FAM76B: variants seen among roughly 807,000 people sequenced by gnomAD.
The protein encoded by FAM76B is protein FAM76B.
FAM76B carries 16 observed loss-of-function variants against 51.8 expected under a neutral mutation model. The observed-to-expected ratio is 0.31, with a 90% CI of 0.21 to 0.47. FAM76B has a LOEUF of 0.47. FAM76B is among the 20% of genes least tolerant of loss of function. The pLI, the probability that FAM76B is intolerant of heterozygous loss-of-function variation, is 1.00. For synonymous variants in FAM76B, 166 were observed against 129.5 expected, an observed-to-expected ratio of 1.28 and a Z score of -1.91; for missense variants, 342 against 392.6, an observed-to-expected ratio of 0.87 and a Z score of 1.09.
intron 8 of FAM76B, among the ~76,000 whole-genome samples, chr11:95,777,221 T>C (rs1347641683): frequency 6.6e-6 from 1 of 151,452 alleles, no homozygotes; most frequent in East Asian, 1.9e-4. Flanking sequence ...AACTTCATCA[T>C]CTTAGATTTA....
chr11:95,774,052 G>A (rs140506851), intron 9 of FAM76B, among the ~76,000 whole-genome samples: 8 of 151,368 alleles, frequency 5.3e-5, no homozygotes, highest in Admixed American at 3.3e-4. Flanking sequence ...GTAAAAAGAT[G>A]GCACTCAGCT....
chr11:95,773,085 T>C (rs1378761732), intron 9 of FAM76B, among the ~76,000 whole-genome samples: 2 of 150,808 alleles, frequency 1.3e-5, no homozygotes, highest in African/African-American at 2.4e-5. Context: ...AAAATGTTTA[T>C]ACTGATACAA....
chr11:95,784,763 A>G (rs1276695200), intron 4 of FAM76B, among the ~76,000 whole-genome samples: 2 of 151,720 alleles, frequency 1.3e-5, no homozygotes, highest in African/African-American at 4.8e-5. Flanking sequence ...AATTTTTTGT[A>G]TTTTTAGTAG....
At position 95,773,548 on chromosome 11, in the gene FAM76B, A is replaced by AT. The variant is rs1270409228; in HGVS notation, c.931-1899dup. ...TAGACATGTTGGTGCAAAGGAAAGA[A>AT]TATCAGGATTAAGAATTACATAGAT... On this transcript the variant is annotated intron_variant, in intron 9 of 9. Transcript: ENST00000358780. Among the ~76,000 whole-genome samples the AT allele has an allele frequency of 4.0e-5, 6 of 151,332 alleles. No homozygotes were observed. In the East Asian group the frequency reaches 9.7e-4, roughly 24 times the overall value.
rs1471587288 is a variant in FAM76B, at chr11:95,789,532, G to A, written c.-54C>T. 9.2e-6 allele frequency: 14 copies of A among 1,524,432 alleles called. No homozygotes were observed. Among genetic ancestry groups the A allele is most frequent in the East Asian group, 7.5e-5 (3 of 40,016 alleles). 94.4% of individuals were successfully genotyped at this position (1,524,432 alleles called of 1,614,324 possible). On this transcript the variant is annotated 5_prime_UTR_variant, in exon 1 of 10. Coordinates refer to ENST00000358780, the MANE Select transcript of FAM76B (RefSeq NM_144664.5). ...CGCCCGCTCCGAGGCGGGGCCCTAC[G>A]GAGAACCCGAGAGCCGCCGCCGCCC...
chr11:95,773,373 A>G (rs1859854429), intron 9 of FAM76B, among the ~76,000 whole-genome samples: 1 of 150,176 alleles, frequency 6.7e-6, no homozygotes, highest in Non-Finnish European at 1.5e-5. Flanking sequence ...TAATTTGAAT[A>G]CTTTAAAAAT....
Position 95,771,482 on chromosome 11 carries a change from A to G in FAM76B, c.*79T>C. The G allele has an allele frequency of 9.0e-7, 1 of 1,108,820 alleles. No homozygotes were observed. Among genetic ancestry groups the G allele is most frequent in the Non-Finnish European group, 1.3e-6 (1 of 750,172 alleles). The allele number at this position is 1,108,820 out of a possible 1,614,324, so 68.7% of individuals were successfully genotyped here. ...TGGTGTGCAAAAATATTTTTCTACT[A>G]CACAGAATTTAAGGGCTTCACAGAA... On this transcript the variant is annotated 3_prime_UTR_variant, in exon 10 of 10. Transcript: ENST00000358780.
At chr11:95,788,301 C>A (rs941614967) in intron 2 of FAM76B, among the ~76,000 whole-genome samples, 198 bp downstream of exon 2, 1 of 152,148 alleles carries the variant, frequency 6.6e-6, no homozygotes, top group South Asian at 2.1e-4. Flanking sequence ...CATATAAAGT[C>A]TAACTGTAAA....
Position 95,787,679 on chromosome 11 carries a change from C to A in FAM76B, c.153-1G>T. 6.2e-7 allele frequency: 1 copy of A among 1,603,176 alleles called. No homozygotes were observed. The highest frequency in any genetic ancestry group is 8.5e-7 in the Non-Finnish European group (1 of 1,172,928). On this transcript the variant is annotated splice_acceptor_variant, in intron 2 of 9. Coordinates refer to ENST00000358780, the MANE Select transcript of FAM76B (RefSeq NM_144664.5). LOFTEE classifies it high-confidence loss of function. Reference sequence around the variant, plus strand: ...CTTCTTACAAATTGTGTTAGTTTTGCTGAAAAATAAATTGTATATAGATCA... The same window carrying A: ...CTTCTTACAAATTGTGTTAGTTTTGATGAAAAATAAATTGTATATAGATCA...
chr11:95,778,922 G>A lies in FAM76B; in HGVS notation c.728C>T (p.Thr243Ile). 6.2e-7 allele frequency: 1 copy of A among 1,610,562 alleles called. No homozygotes were observed. Among genetic ancestry groups the A allele is most frequent in the Non-Finnish European group, 8.5e-7 (1 of 1,177,906 alleles). ...TTGACTTATAAGGACAAAATTGTCT[G>A]TTCCCCCACTATCTGCTGACTGATT... is the stretch of plus-strand genomic sequence containing the variant. ...SINQSADSGG[T>I]DNFVLISQLK... Residue 243 changes from threonine (T) to isoleucine (I), a missense_variant, in exon 8 of 10, where the codon ACA becomes ATA. By Grantham distance (89) the Thr-to-Ile change is moderately conservative. Coordinates refer to ENST00000358780, the MANE Select transcript of FAM76B (RefSeq NM_144664.5).
In FAM76B at chr11:95,771,800, C is replaced by T. The variant is rs559815418; in HGVS notation, c.931-150G>A. 18 of 593,832 alleles carry T rather than the reference C, an allele frequency of 3.0e-5. No homozygotes were observed. In the African/African-American group the frequency reaches 3.4e-4, roughly 11 times the overall value. The allele number at this position is 593,832 out of a possible 1,614,324, so 36.8% of individuals were successfully genotyped here. A position where few individuals can be genotyped will look rare whatever the true frequency, so the allele number is the denominator to read the frequency against. On this transcript the variant is annotated intron_variant, in intron 9 of 9. Coordinates refer to ENST00000358780, the MANE Select transcript of FAM76B (RefSeq NM_144664.5). ...ATGAAAGAGTTGATACCTTTACATT[C>T]ATCTCTTTAAGGATGAACATGCAGA...
At position 95,776,014 on chromosome 11, in the gene FAM76B, G is replaced by C. The variant is rs775467154; in HGVS notation, c.838C>G (p.Leu280Val). The C allele has an allele frequency of 6.3e-7, 1 of 1,580,572 alleles. No individual in the cohort carries two copies. The highest frequency in any genetic ancestry group is 1.2e-5 in the South Asian group (1 of 86,528). The change falls in exon 9 of 10, where the codon CTA (leucine) becomes GTA (valine). Residue 280 changes from leucine (L) to valine (V), a missense_variant. Around this residue, in one of 3 missense-constraint regions of FAM76B, gnomAD observed 230 missense variants for 257.4 expected, o/e 0.89. Transcript: ENST00000358780. ...TCTTGGTACTGAAAGTCTGCCTTTA[G>C]TTCAGTTAACTGAGAGATTAAAGAA... Reference protein sequence around the residue: ...ILEKDKKLTELKADFQYQESN... With the variant: ...ILEKDKKLTEVKADFQYQESN...
intron 8 of FAM76B, among the ~76,000 whole-genome samples, chr11:95,778,493 CT>C (rs1219852917): frequency 6.6e-6 from 1 of 151,420 alleles, no homozygotes; most frequent in East Asian, 1.9e-4. Flanking sequence ...AAACTACATT[CT>C]TAAATCAAAA....
chr11:95,789,747 TA>T lies in FAM76B; in HGVS notation c.-270del, dbSNP rs1303402061. On this transcript the variant is annotated 5_prime_UTR_variant, in exon 1 of 10. Coordinates refer to ENST00000358780, the MANE Select transcript of FAM76B (RefSeq NM_144664.5). ...TAGCGGCGGAGGGAGACGAAGCGGG[TA>T]GGGGGTTGCTGTTTAGCTGTGCGGC... 5.1e-5 allele frequency: 23 copies of T among 452,248 alleles called. No homozygotes were observed. Among genetic ancestry groups the T allele is most frequent in the Non-Finnish European group, 8.6e-5 (22 of 256,880 alleles). 28.0% of individuals were successfully genotyped at this position (452,248 alleles called of 1,614,324 possible).
chr11:95,776,732 T>C (rs923709392), intron 8 of FAM76B, among the ~76,000 whole-genome samples: 1 of 151,382 alleles, frequency 6.6e-6, no homozygotes, highest in African/African-American at 2.4e-5. Context: ...TAATATCTCA[T>C]GACTTCAAAC....
chr11:95,772,894 A>G (rs543675142), intron 9 of FAM76B, among the ~76,000 whole-genome samples: 1 of 151,290 alleles, frequency 6.6e-6, no homozygotes, highest in African/African-American at 2.4e-5. Flanking sequence ...TTATATGTGC[A>G]AATCAAATAA....
At chr11:95,789,297 C>T in intron 1 of FAM76B, 95 bp downstream of exon 1, 1 of 1,358,782 alleles carries the variant, frequency 7.4e-7, no homozygotes, top group Non-Finnish European at 1.0e-6. Context: ...ACCCCTGAGG[C>T]GCCGGCGAAG....
intron 9 of FAM76B, chr11:95,775,718 A>T (rs1859973771): frequency 2.9e-6 from 1 of 341,316 alleles, no homozygotes. Flanking sequence ...TTCAAGATTA[A>T]AGTACTGAAT....
intron 9 of FAM76B, among the ~76,000 whole-genome samples, chr11:95,773,664 T>C (rs1409671534): frequency 6.6e-6 from 1 of 151,290 alleles, no homozygotes; most frequent in Non-Finnish European, 1.5e-5. Context: ...GAACTCAAAA[T>C]GAGTTGAAGG....
Sources: allele counts gnomAD v4.1 joint callset (sites outside exome capture counted in the v4.1 genomes callset), GRCh38; gene constraint gnomAD v4.1.1; regional missense constraint gnomAD v4.1.1; transcripts MANE v1.5; gene names NCBI Gene and HGNC (gene_info 2026-07-23, HGNC 2026-07-21).